ANGPTL4: variants seen among roughly 807,000 people sequenced by gnomAD.
The protein encoded by ANGPTL4 is angiopoietin like 4.
A neutral mutation model predicts 39.2 loss-of-function variants in ANGPTL4; 39 were observed. That is an observed-to-expected ratio of 1.00 (90% CI 0.77 to 1.30). The LOEUF is 1.30. Ranked by LOEUF, ANGPTL4 falls within the 50% of genes most tolerant of loss-of-function variation. The pLI is 0.00. For synonymous variants in ANGPTL4, 233 were observed against 229.5 expected (o/e 1.02, Z -0.14); for missense variants, 545 against 549.8 (o/e 0.99, Z 0.09).
intron 1 of ANGPTL4, among the ~76,000 whole-genome samples, chr19:8,365,574 G>C (rs1970985660): frequency 2.0e-5 from 3 of 152,116 alleles, no homozygotes; most frequent in Non-Finnish European, 4.4e-5. Context: ...AGAATCACTT[G>C]AGTCTGGGAG....
chr19:8,364,556 G>A lies in ANGPTL4; in HGVS notation c.235G>A (p.Ala79Thr). 1.9e-6 allele frequency: 3 copies of A among 1,579,566 alleles called. No homozygotes were observed. The highest frequency in any genetic ancestry group is 2.6e-6 in the Non-Finnish European group (3 of 1,164,190). The change falls in exon 1 of 7, where the codon GCC becomes ACC. Residue 79 changes from alanine to threonine, a missense_variant. By Grantham distance (58) the Ala-to-Thr change is moderately conservative. Coordinates refer to ENST00000301455, the MANE Select transcript of ANGPTL4 (RefSeq NM_139314.3). Reference sequence around the variant, plus strand: ...GCGGCGCCTGAGCGCGTGCGGGTCCGCCTGTCAGGGAACCGAGGGGTCCAC... The same window carrying A: ...GCGGCGCCTGAGCGCGTGCGGGTCCACCTGTCAGGGAACCGAGGGGTCCAC... ...LERRLSACGS[A>T]CQGTEGSTDL...
chr19:8,369,454 T>G, intron 4 of ANGPTL4, 122 bp downstream of exon 4: 1 of 492,930 alleles, frequency 2.0e-6, no homozygotes, highest in Non-Finnish European at 3.3e-6. Flanking sequence ...CCCAAGCTGG[T>G]CTTTTTTTTT....
chr19:8,373,554 G>A (rs1234180510), intron 6 of ANGPTL4, 151 bp from the exon 7 acceptor site: 2 of 958,420 alleles, frequency 2.1e-6, no homozygotes, highest in Non-Finnish European at 3.2e-6. Context: ...CTGGGTGACA[G>A]AGTAAGACTC....
chr19:8,370,426 A>G (rs1426899912), intron 4 of ANGPTL4, among the ~76,000 whole-genome samples: 1 of 151,916 alleles, frequency 6.6e-6, no homozygotes. Flanking sequence ...CTAAAAAAAA[A>G]CAAAGGCTGA....
At chr19:8,365,843 C>T in intron 1 of ANGPTL4, 111 bp from the exon 2 acceptor site, 1 of 829,156 alleles carries the variant, frequency 1.2e-6, no homozygotes, top group South Asian at 1.4e-5. Context: ...AAAAGAAAGA[C>T]TCCCTTGCCT....
At position 8,373,554 on chromosome 19, in the gene ANGPTL4, G is replaced by GAGTA. The variant is rs909914882; in HGVS notation, c.1040-148_1040-145dup. On this transcript the variant is annotated intron_variant, in intron 6 of 6. Transcript: ENST00000301455. ...CCACTGCACTCCAGCCTGGGTGACA[G>GAGTA]AGTAAGACTCAATCTCAAAAAAAAA... The GAGTA allele has an allele frequency of 1.0e-4, 97 of 958,538 alleles. No individual in the cohort carries two copies. The African/African-American group carries it at 1.2e-3, about 12-fold the overall frequency. The allele number at this position is 958,538 out of a possible 1,614,324, so 59.4% of individuals were successfully genotyped here.
intron 6 of ANGPTL4, among the ~76,000 whole-genome samples, chr19:8,373,213 T>C (rs1215541147): frequency 3.3e-5 from 5 of 152,132 alleles, no homozygotes; most frequent in Admixed American, 2.6e-4. Flanking sequence ...GAGACCAACC[T>C]GGCCAACATG....
intron 3 of ANGPTL4, 57 bp from the exon 4 acceptor site, chr19:8,369,162 G>A: frequency 6.8e-7 from 1 of 1,464,168 alleles, no homozygotes; most frequent in Non-Finnish European, 9.4e-7. Flanking sequence ...CCTGGCTCCT[G>A]AGACCCCCCC....
rs759240085 is a variant in ANGPTL4, at chr19:8,366,308, G to A, written c.536G>A (p.Ser179Asn). The A allele has an allele frequency of 8.1e-6, 13 of 1,613,632 alleles. No individual in the cohort carries two copies. The highest frequency in any genetic ancestry group is 1.1e-5 in the Non-Finnish European group (13 of 1,180,022). The change falls in exon 3 of 7, where the codon AGC becomes AAC. Residue 179 changes from serine to asparagine, a missense_variant. Coordinates refer to ENST00000301455, the MANE Select transcript of ANGPTL4 (RefSeq NM_139314.3). The stretch of plus-strand genomic sequence containing the variant: ...CCAGTTGACCCGGCTCACAATGTCA[G>A]CCGCCTGCACCGTGAGTGTCTGCCC... ...AQPVDPAHNV[S>N]RLHRLPRDCQ...
At position 8,373,879 on chromosome 19, in the gene ANGPTL4, C is replaced by T. The variant is rs3210983; in HGVS notation, c.1214C>T (p.Ala405Val). 1.2e-6 allele frequency: 2 copies of T among 1,613,276 alleles called. No homozygotes were observed. Among genetic ancestry groups the T allele is most frequent in the South Asian group, 1.1e-5 (1 of 91,078 alleles). Residue 405 changes from alanine to valine, a missense_variant, in exon 7 of 7, where the codon GCC becomes GTC. Physicochemically the swap from Ala to Val is moderately conservative, Grantham distance 64. Coordinates refer to ENST00000301455, the MANE Select transcript of ANGPTL4 (RefSeq NM_139314.3). ...ATCCAGCCCATGGCAGCAGAGGCAG[C>T]CTCCTAGCGTCCTGGCTGGGCCTGG... ...MLIQPMAAEA[A>V]S
Position 8,371,056 on chromosome 19 carries a change from A to G in ANGPTL4, c.662A>G (p.Asp221Gly), listed in dbSNP as rs1971104855. Residue 221 changes from aspartate to glycine, a missense_variant and splice_region_variant, in exon 5 of 7, where the codon GAT becomes GGT. Asp to Gly is a moderately conservative substitution (Grantham distance 94). Transcript: ENST00000301455. The surrounding 1 kb of genome is among the most constrained non-coding windows in gnomAD (Gnocchi z 5.1). ...GGTGACCTTGTACCTTTCTGGGCAG[A>G]TGGAGGCTGGACAGTAATTCAGAGG... ...PFLVNCKMTS[D>G]GGWTVIQRRH... is the part of the protein sequence containing the mutation. The G allele has an allele frequency of 6.3e-7, 1 of 1,589,854 alleles. No individual in the cohort carries two copies. Among genetic ancestry groups the G allele is most frequent in the African/African-American group, 1.3e-5 (1 of 74,494 alleles).
chr19:8,368,951 C>T (rs146264942), intron 3 of ANGPTL4, among the ~76,000 whole-genome samples: 1 of 152,276 alleles, frequency 6.6e-6, no homozygotes, highest in Non-Finnish European at 1.5e-5. Flanking sequence ...GGGAAGAAAG[C>T]CTGTGTGCCA....
chr19:8,368,503 G>A (rs1202019107), intron 3 of ANGPTL4, among the ~76,000 whole-genome samples: 1 of 152,160 alleles, frequency 6.6e-6, no homozygotes, highest in Non-Finnish European at 1.5e-5. Context: ...TTCTGGCCTG[G>A]TCTGGGGGTG....
At chr19:8,366,749 G>A (rs891072098) in intron 3 of ANGPTL4, among the ~76,000 whole-genome samples, 3 of 151,876 alleles carry the variant, frequency 2.0e-5, no homozygotes, top group Non-Finnish European at 4.4e-5. Context: ...AATGTCTTGG[G>A]GTATGTGGGA....
chr19:8,367,567 C>T (rs904747517), intron 3 of ANGPTL4, among the ~76,000 whole-genome samples: 2 of 152,282 alleles, frequency 1.3e-5, no homozygotes, highest in African/African-American at 4.8e-5. Flanking sequence ...CCCCCACCCC[C>T]ACCGTGCAGA....
chr19:8,364,447 T>G lies in ANGPTL4; in HGVS notation c.126T>G (p.Asn42Lys). 6.4e-7 allele frequency: 1 copy of G among 1,557,416 alleles called. No homozygotes were observed. Among genetic ancestry groups the G allele is most frequent in the Non-Finnish European group, 8.7e-7 (1 of 1,152,926 alleles). The change falls in exon 1 of 7, where the codon AAT becomes AAG. Residue 42 changes from asparagine (N) to lysine (K), a missense_variant. By Grantham distance (94) the Asn-to-Lys change is moderately conservative. Transcript: ENST00000301455. ...SPRFASWDEM[N>K]VLAHGLLQLG... is the part of the protein sequence containing the mutation. ...GCTTTGCGTCCTGGGACGAGATGAA[T>G]GTCCTGGCGCACGGACTCCTGCAGC...
At position 8,369,305 on chromosome 19, in the gene ANGPTL4, T is replaced by A; in HGVS notation, c.634T>A (p.Phe212Ile). ...FEIQPQGSPP[F>I]LVNCKMTSDG... is the part of the protein sequence containing the mutation. ...AATCCAGCCTCAGGGGTCTCCGCCA[T>A]TTTTGGTGAACTGCAAGATGACCTC... The change falls in exon 4 of 7, where the codon TTT (phenylalanine) becomes ATT (isoleucine). Residue 212 changes from phenylalanine (F) to isoleucine (I), a missense_variant. Coordinates refer to ENST00000301455, the MANE Select transcript of ANGPTL4 (RefSeq NM_139314.3). The A allele has an allele frequency of 6.2e-7, 1 of 1,611,940 alleles. No homozygotes were observed. Among genetic ancestry groups the A allele is most frequent in the Non-Finnish European group, 8.5e-7 (1 of 1,179,582 alleles).
intron 3 of ANGPTL4, among the ~76,000 whole-genome samples, chr19:8,367,701 C>T (rs1971034167): frequency 6.6e-6 from 1 of 152,198 alleles, no homozygotes; most frequent in African/African-American, 2.4e-5. Flanking sequence ...TTTCTTTCCT[C>T]AACCCTGCCT....
At chr19:8,364,740 G>C in intron 1 of ANGPTL4, 101 bp downstream of exon 1, 1 of 1,394,278 alleles carries the variant, frequency 7.2e-7, no homozygotes, top group South Asian at 1.2e-5. Context: ...CGCAACTGTG[G>C]CTCCCTGGGC....
Sources: gnomAD v4.1 joint callset for allele counts (sites outside exome capture counted in the v4.1 genomes callset) on GRCh38, gnomAD v4.1.1 for gene constraint, Gnocchi (gnomAD v3.1) non-coding constraint, MANE v1.5 for transcripts, NCBI Gene and HGNC (gene_info 2026-07-23, HGNC 2026-07-21) for gene names.